Variants in CIB2 observed in about 807,000 individuals in gnomAD.
CIB2 encodes the protein calcium and integrin-binding family member 2.
In CIB2, 19 loss-of-function variants were observed where a neutral mutation model predicts 23.1. The observed-to-expected ratio is 0.82, with a 90% CI of 0.57 to 1.21. CIB2 has a LOEUF of 1.21. Among genes scored for constraint, CIB2 ranks in the 50% most tolerant of loss-of-function variants. The pLI, the probability that CIB2 is intolerant of heterozygous loss-of-function variation, is 0.00. For missense variants in CIB2, 220 were observed against 241.5 expected (o/e 0.91, Z 0.59); for synonymous variants, 94 against 91.7 (o/e 1.03, Z -0.14).
intron 2 of CIB2, among the ~76,000 whole-genome samples, chr15:78,119,615 G>A (rs1024552268): frequency 2.0e-5 from 3 of 151,922 alleles, no homozygotes; most frequent in Non-Finnish European, 4.4e-5. Context: ...AGCCCAGGCT[G>A]GAGTGAAGTG....
chr15:78,121,868 C>T (rs1380128475), intron 2 of CIB2, among the ~76,000 whole-genome samples: 2 of 152,206 alleles, frequency 1.3e-5, no homozygotes, highest in Non-Finnish European at 2.9e-5. Context: ...GACTGGCCTT[C>T]AAGCTCCTCT....
rs765873360 is a variant in CIB2, at chr15:78,123,661, C to CCCCAGT, written c.86+38_86+43dup. On this transcript the variant is annotated intron_variant, in intron 2 of 5. Transcript: ENST00000258930. Reference sequence around the variant, plus strand: ...GTGGGGTGCCCCAGCCTCACCCCGGCCCCAGTCCCAGTCCCAACAGGGTGA... The same window carrying CCCCAGT: ...GTGGGGTGCCCCAGCCTCACCCCGGCCCCAGTCCCAGTCCCAGTCCCAACAGGGTGA... 3 of 1,610,978 alleles carry CCCCAGT rather than the reference C, an allele frequency of 1.9e-6. No homozygotes were observed. In the South Asian group the frequency reaches 3.3e-5, roughly 18 times the overall value.
intron 2 of CIB2, among the ~76,000 whole-genome samples, chr15:78,115,421 G>A (rs906013123): frequency 4.6e-5 from 7 of 151,670 alleles, no homozygotes; most frequent in Non-Finnish European, 8.8e-5. Context: ...GACCACACTC[G>A]GCTGATTTTT....
intron 3 of CIB2, chr15:78,110,621 A>G (rs1018000759): frequency 1.5e-5 from 7 of 455,522 alleles, no homozygotes; most frequent in African/African-American, 1.4e-4. Flanking sequence ...ACATTCAGAT[A>G]TATATGGTCT....
chr15:78,106,259 T>C (rs3784325), intron 4 of CIB2, among the ~76,000 whole-genome samples: 1 of 152,228 alleles, frequency 6.6e-6, no homozygotes, highest in East Asian at 1.9e-4. Flanking sequence ...TAGCCCACAG[T>C]GGACCCAGTG....
At chr15:78,120,598 G>A (rs2141907906) in intron 2 of CIB2, 4 of 985,362 alleles carry the variant, frequency 4.1e-6, no homozygotes, top group East Asian at 2.3e-4. Flanking sequence ...GAATAGGGTG[G>A]GCTGCCCACT....
intron 2 of CIB2, among the ~76,000 whole-genome samples, chr15:78,116,529 C>T (rs2074243754): frequency 6.6e-6 from 1 of 151,842 alleles, no homozygotes; most frequent in Non-Finnish European, 1.5e-5. Flanking sequence ...AAATAATATG[C>T]CATTTTATAT....
intron 2 of CIB2, chr15:78,120,714 C>T: frequency 1.0e-6 from 1 of 985,534 alleles, no homozygotes; most frequent in Non-Finnish European, 1.2e-6. Context: ...CTATCTGTGA[C>T]TCGGTATCAC....
intron 1 of CIB2, among the ~76,000 whole-genome samples, chr15:78,127,377 G>T (rs2074395187): frequency 6.6e-6 from 1 of 152,152 alleles, no homozygotes; most frequent in Non-Finnish European, 1.5e-5. Flanking sequence ...GCAAAGGTCA[G>T]GTCTGGGTCA....
intron 2 of CIB2, among the ~76,000 whole-genome samples, chr15:78,113,820 C>T (rs2074197728): frequency 6.6e-6 from 1 of 152,192 alleles, no homozygotes; most frequent in Non-Finnish European, 1.5e-5. Context: ...CATCTTCTTT[C>T]ATAATTCATG....
rs2074390780 is a variant in CIB2, at chr15:78,127,056, C to T, written c.52-3317G>A. Among the ~76,000 whole-genome samples, 8 of 152,256 alleles carry T rather than the reference C, an allele frequency of 5.3e-5. No individual in the cohort carries two copies. The South Asian group carries it at 1.7e-3, about 32-fold the overall frequency. On this transcript the variant is annotated intron_variant, in intron 1 of 5. Coordinates refer to ENST00000258930, the MANE Select transcript of CIB2 (RefSeq NM_006383.4). ...CTGCATCTGTAAAGTGGAAATAGGC[C>T]TCTCTGAAGGGGACAGTGTGAAGAG... is the stretch of plus-strand genomic sequence containing the variant.
chr15:78,114,062 A>C (rs1373674406), intron 2 of CIB2, among the ~76,000 whole-genome samples: 1 of 152,192 alleles, frequency 6.6e-6, no homozygotes, highest in African/African-American at 2.4e-5. Flanking sequence ...CTGAAGGATA[A>C]GTTTCTCTAT....
At position 78,109,329 on chromosome 15, in the gene CIB2, C is replaced by G; in HGVS notation, c.252G>C (p.Gly84=). ...IVAAFSEDGE[G]NLTFNDFVDM... The stretch of plus-strand genomic sequence containing the variant: ...CCACAAAGTCGTTGAAAGTGAGGTT[C>G]CCCTCACCATCCTCGGAAAACGCCG... Residue 84 remains glycine (G), a synonymous_variant, in exon 4 of 6, where the codon GGG becomes GGC. Transcript: ENST00000258930. 6.2e-7 allele frequency: 1 copy of G among 1,614,058 alleles called. No homozygotes were observed. The highest frequency in any genetic ancestry group is 8.5e-7 in the Non-Finnish European group (1 of 1,180,002).
At chr15:78,111,079 G>A in intron 3 of CIB2, 86 bp downstream of exon 3, 1 of 1,112,122 alleles carries the variant, frequency 9.0e-7, no homozygotes. Flanking sequence ...AAAGGGTGGA[G>A]CTGGGTTCAG....
At chr15:78,118,319 G>A (rs1440160441) in intron 2 of CIB2, among the ~76,000 whole-genome samples, 1 of 152,048 alleles carries the variant, frequency 6.6e-6, no homozygotes, top group Non-Finnish European at 1.5e-5. Context: ...AAATGGCTGG[G>A]CAGTGGCTCA....
rs200314445 is a variant in CIB2, at chr15:78,111,216, G to A, written c.147C>T (p.Ser49=). 1.2e-6 allele frequency: 2 copies of A among 1,614,174 alleles called. No individual in the cohort carries two copies. Among genetic ancestry groups the A allele is most frequent in the East Asian group, 4.5e-5 (2 of 44,888 alleles). ...PNLVPMDYRK[S]PIVHVPMSLI... ...GGCTCATGGGCACGTGGACGATGGG[G>A]CTCTTCCTGTAGTCCATTGGGACGA... The change falls in exon 3 of 6, where the codon AGC becomes AGT. Residue 49 remains serine, a synonymous_variant. Coordinates refer to ENST00000258930, the MANE Select transcript of CIB2 (RefSeq NM_006383.4).
At position 78,105,005 on chromosome 15, in the gene CIB2, C is replaced by T; in HGVS notation, c.*306G>A. Reference sequence around the variant, plus strand: ...CTCCTGTTGGGTTATCTGCTTTTCCCTCTTTGGGGGGGTGGGGAGCATTTC... The same window carrying T: ...CTCCTGTTGGGTTATCTGCTTTTCCTTCTTTGGGGGGGTGGGGAGCATTTC... On this transcript the variant is annotated 3_prime_UTR_variant, in exon 6 of 6. Transcript: ENST00000258930. 3.6e-6 allele frequency: 1 copy of T among 276,848 alleles called. No homozygotes were observed. Among genetic ancestry groups the T allele is most frequent in the East Asian group, 5.6e-5 (1 of 17,884 alleles). 17.1% of individuals were successfully genotyped at this position (276,848 alleles called of 1,614,324 possible).
chr15:78,109,201 G>T (rs757364493), intron 4 of CIB2, 34 bp downstream of exon 4: 4 of 1,156,384 alleles, frequency 3.5e-6, no homozygotes, highest in African/African-American at 2.6e-5. Flanking sequence ...TTCCCCCACC[G>T]CATATTCAGG....
At chr15:78,115,951 C>A (rs1441353233) in intron 2 of CIB2, among the ~76,000 whole-genome samples, 1 of 151,738 alleles carries the variant, frequency 6.6e-6, no homozygotes, top group Admixed American at 6.6e-5. Context: ...ATTCGCCATC[C>A]AGGTCCATGA....
Sources: gnomAD v4.1 joint callset for allele counts (sites outside exome capture counted in the v4.1 genomes callset) on GRCh38, gnomAD v4.1.1 for gene constraint, MANE v1.5 for transcripts, NCBI Gene and HGNC (gene_info 2026-07-23, HGNC 2026-07-21) for gene names.